FBXW2: variants seen among roughly 807,000 people sequenced by gnomAD.
FBXW2 encodes F-box and WD repeat domain containing 2.
A neutral mutation model predicts 46.0 loss-of-function variants in FBXW2; 12 were observed. That is an observed-to-expected ratio of 0.26 (90% CI 0.17 to 0.42). The LOEUF (loss-of-function observed/expected upper bound fraction) is 0.42. Among genes scored for constraint, FBXW2 ranks in the 10% least tolerant of loss-of-function variants. The pLI, the probability that FBXW2 is intolerant of heterozygous loss-of-function variation, is 1.00. For missense variants in FBXW2, 360 were observed against 537.0 expected (o/e 0.67, Z 3.26); for synonymous variants, 203 against 209.6 (o/e 0.97, Z 0.27).
chr9:120,762,184 A>G lies in FBXW2; in HGVS notation c.*2375T>C, dbSNP rs1040617480. ...GTGGAACCCTGTCTCTACTAAAAAT[A>G]TAAAAATTAGTTGGGTGTCATGGCA... On this transcript the variant is annotated 3_prime_UTR_variant, in exon 8 of 8. Coordinates refer to ENST00000608872, the MANE Select transcript of FBXW2 (RefSeq NM_012164.4). 1.3e-5 allele frequency: 2 copies of G among 152,194 alleles called. No homozygotes were observed. The highest frequency in any genetic ancestry group is 2.9e-5 in the Non-Finnish European group (2 of 68,066). The allele number at this position is 152,194 out of a possible 1,614,324, so 9.4% of individuals were successfully genotyped here. A position where few individuals can be genotyped will look rare whatever the true frequency, so the allele number is the denominator to read the frequency against.
chr9:120,761,977 G>A lies in FBXW2; in HGVS notation c.*2582C>T, dbSNP rs1348658474. On this transcript the variant is annotated 3_prime_UTR_variant, in exon 8 of 8. Transcript: ENST00000608872. Reference sequence around the variant, plus strand: ...ACTTGCCCTTTGAAGCTATTGGATAGATCTGAAAGTGAGGTAGGGTGGGGA... The same window carrying A: ...ACTTGCCCTTTGAAGCTATTGGATAAATCTGAAAGTGAGGTAGGGTGGGGA... 1.3e-5 allele frequency: 2 copies of A among 152,228 alleles called. No homozygotes were observed. 9.4% of individuals were successfully genotyped at this position (152,228 alleles called of 1,614,324 possible). A position where few individuals can be genotyped will look rare whatever the true frequency, so the allele number is the denominator to read the frequency against.
intron 3 of FBXW2, among the ~76,000 whole-genome samples, chr9:120,782,001 C>A (rs1436204838): frequency 2.3e-5 from 3 of 132,820 alleles, no homozygotes; most frequent in South Asian, 2.3e-4. Context: ...CCAGCCTGGG[C>A]AACAAGTGCA....
rs10985035 is a variant in FBXW2, at chr9:120,781,947, C to T, written c.491-3402G>A. Among the ~76,000 whole-genome samples, 709 of 149,236 alleles carry T rather than the reference C, an allele frequency of 4.8e-3. 9 individuals carry two copies. The highest frequency in any genetic ancestry group is 0.017 in the African/African-American group (677 of 40,470). ...CTAAGACAGAAGAATTGCTTGAACC[C>T]GGGAGGCGGAGGTTGCGGTGAGCCA... is the stretch of plus-strand genomic sequence containing the variant. On this transcript the variant is annotated intron_variant, in intron 3 of 7. Transcript: ENST00000608872.
intron 3 of FBXW2, among the ~76,000 whole-genome samples, chr9:120,783,932 C>A (rs1235087810): frequency 6.6e-6 from 1 of 152,212 alleles, no homozygotes. Context: ...TTGCCAAATT[C>A]AGGGTTTCCC....
chr9:120,788,268 G>A lies in FBXW2; in HGVS notation c.-10C>T, dbSNP rs748803198. 2.5e-6 allele frequency: 4 copies of A among 1,610,702 alleles called. No individual in the cohort carries two copies. The highest frequency in any genetic ancestry group is 2.5e-6 in the Non-Finnish European group (3 of 1,179,632). On this transcript the variant is annotated 5_prime_UTR_variant, in exon 3 of 8. Transcript: ENST00000608872. ...AGTCCTTTCTCTCCATAAGGTTATG[G>A]AAAAATTTACCTGTGGCACATCAAA... is the stretch of plus-strand genomic sequence containing the variant.
At chr9:120,790,069 T>G (rs938422802) in intron 2 of FBXW2, among the ~76,000 whole-genome samples, 1 of 152,220 alleles carries the variant, frequency 6.6e-6, no homozygotes, top group Non-Finnish European at 1.5e-5. Context: ...CTATACAACA[T>G]TTCTTCAAAA....
At chr9:120,776,068 G>A (rs72758110) in intron 5 of FBXW2, 25 bp downstream of exon 5, 1 of 1,612,452 alleles carries the variant, frequency 6.2e-7, no homozygotes. Context: ...CTGATAAGCA[G>A]GAGACTTCTT....
At chr9:120,780,532 T>C (rs2044588836) in intron 3 of FBXW2, among the ~76,000 whole-genome samples, 1 of 152,212 alleles carries the variant, frequency 6.6e-6, no homozygotes, top group Non-Finnish European at 1.5e-5. Flanking sequence ...ACAGCTCAAG[T>C]ACTCAAAAAC....
Position 120,785,912 on chromosome 9 carries a change from A to G in FBXW2, c.490+1857T>C, listed in dbSNP as rs1233311002. ...GTGGCGCACACCTGTAATCCCAGCT[A>G]CTCGGGAGGCTGAGGCAGGAGACTC... On this transcript the variant is annotated intron_variant, in intron 3 of 7. Transcript: ENST00000608872. 1.8e-4 allele frequency among the ~76,000 whole-genome samples: 27 copies of G among 150,286 alleles called. No individual in the cohort carries two copies. In the Admixed American group the frequency reaches 1.8e-3, roughly 10 times the overall value.
intron 2 of FBXW2, among the ~76,000 whole-genome samples, chr9:120,791,904 T>G (rs189075659): frequency 6.6e-6 from 1 of 152,150 alleles, no homozygotes; most frequent in African/African-American, 2.4e-5. Flanking sequence ...AAGTGGGTCA[T>G]GCAACAAAAA....
intron 7 of FBXW2, 102 bp from the exon 8 acceptor site, chr9:120,764,949 A>G: frequency 1.0e-6 from 1 of 955,544 alleles, no homozygotes; most frequent in East Asian, 2.5e-5. Context: ...ATTAAATTCA[A>G]GCAAATTTAG....
intron 2 of FBXW2, among the ~76,000 whole-genome samples, chr9:120,790,835 C>T (rs960265082): frequency 6.6e-6 from 1 of 152,012 alleles, no homozygotes; most frequent in Non-Finnish European, 1.5e-5. Flanking sequence ...AAAAAAAATG[C>T]CAAATTAATG....
Position 120,757,322 on chromosome 9 carries a change from GT to G in FBXW2, c.*7236del, listed in dbSNP as rs2044143349. The G allele has an allele frequency of 6.6e-6, 1 of 152,190 alleles. No homozygotes were observed. Among genetic ancestry groups the G allele is most frequent in the South Asian group, 2.1e-4 (1 of 4,834 alleles). 9.4% of individuals were successfully genotyped at this position (152,190 alleles called of 1,614,324 possible). On this transcript the variant is annotated 3_prime_UTR_variant, in exon 8 of 8. Transcript: ENST00000608872. ...CTTCATAACTATTCGACAAAACTGT[GT>G]GTTGTATGCACTCTTCTGTACCTGT...
rs913680491 is a variant in FBXW2, at chr9:120,793,359, C to A, written c.-135G>T. 1 of 402,598 alleles carries A rather than the reference C, an allele frequency of 2.5e-6. No individual in the cohort carries two copies. The allele number at this position is 402,598 out of a possible 1,614,324, so 24.9% of individuals were successfully genotyped here. Reference sequence around the variant, plus strand: ...GCCCCGCCTCGCATACAGACCCGGACCTGCGGCCGCTGCTCCCGGTCCGCA... The same window carrying A: ...GCCCCGCCTCGCATACAGACCCGGAACTGCGGCCGCTGCTCCCGGTCCGCA... On this transcript the variant is annotated 5_prime_UTR_variant, in exon 1 of 8. Coordinates refer to ENST00000608872, the MANE Select transcript of FBXW2 (RefSeq NM_012164.4).
At chr9:120,780,925 G>A (rs892615064) in intron 3 of FBXW2, among the ~76,000 whole-genome samples, 1 of 152,002 alleles carries the variant, frequency 6.6e-6, no homozygotes, top group African/African-American at 2.4e-5. Context: ...TTATGACCAT[G>A]CTCTATAACA....
rs2044220980 is a variant in FBXW2 at position 120,763,087 on chromosome 9, G to GT, written c.*1471dup. On this transcript the variant is annotated 3_prime_UTR_variant, in exon 8 of 8. Transcript: ENST00000608872. Reference sequence around the variant, plus strand: ...TATTTCAAATTTTCTTTAATCAGTTGTAACGTTTTAAAAATCCAGGATTTC... The same window carrying GT: ...TATTTCAAATTTTCTTTAATCAGTTGTTAACGTTTTAAAAATCCAGGATTTC... The GT allele has an allele frequency of 6.6e-6, 1 of 152,148 alleles. No homozygotes were observed. The highest frequency in any genetic ancestry group is 2.4e-5 in the African/African-American group (1 of 41,436). 9.4% of individuals were successfully genotyped at this position (152,148 alleles called of 1,614,324 possible).
At chr9:120,765,140 A>G (rs2131276583) in intron 7 of FBXW2, among the ~76,000 whole-genome samples, 1 of 149,380 alleles carries the variant, frequency 6.7e-6, no homozygotes, top group South Asian at 2.1e-4. Context: ...TGTTGCCCAC[A>G]CTGGAGTACA....
intron 3 of FBXW2, among the ~76,000 whole-genome samples, chr9:120,781,905 C>T (rs2131349458): frequency 6.6e-6 from 1 of 151,986 alleles, no homozygotes; most frequent in South Asian, 2.1e-4. Flanking sequence ...CGCCTGTAAT[C>T]CCAGCTACTT....
Position 120,771,511 on chromosome 9 carries a change from G to A in FBXW2, c.913C>T (p.Pro305Ser), listed in dbSNP as rs1347684944. Residue 305 changes from proline to serine, a missense_variant, in exon 7 of 8, where the codon CCA (proline) becomes TCA (serine). Physicochemically the swap from Pro to Ser is moderately conservative, Grantham distance 74. Coordinates refer to ENST00000608872, the MANE Select transcript of FBXW2 (RefSeq NM_012164.4). ...TTACAGTTGATTTCTCTCCCAATTG[G>A]CCAAATCTACAGAAAAAAGAAAATG... ...SADKYEIKIW[P>S]IGREINCKCL... 1.2e-6 allele frequency: 2 copies of A among 1,608,850 alleles called. No individual in the cohort carries two copies. The highest frequency in any genetic ancestry group is 8.5e-7 in the Non-Finnish European group (1 of 1,178,106).
Sources: allele counts gnomAD v4.1 joint callset (sites outside exome capture counted in the v4.1 genomes callset), GRCh38; gene constraint gnomAD v4.1.1; transcripts MANE v1.5; gene names NCBI Gene and HGNC (gene_info 2026-07-23, HGNC 2026-07-21).